Variants in AUTS2 observed in about 807,000 individuals in gnomAD.
AUTS2 encodes autism susceptibility gene 2 protein.
A neutral mutation model predicts 112.4 loss-of-function variants in AUTS2; 17 were observed. The ratio of observed to expected loss-of-function variants is 0.15; its 90% CI spans 0.10 to 0.23. The LOEUF (loss-of-function observed/expected upper bound fraction) is 0.23, where lower values mean the gene tolerates loss of function less well. Among genes scored for constraint, AUTS2 ranks in the 10% least tolerant of loss-of-function variants. The pLI is 1.00. For synonymous variants in AUTS2, 751 were observed against 702.7 expected, an observed-to-expected ratio of 1.07 and a Z score of -1.09; for missense variants, 1,510 against 1,701.6, an observed-to-expected ratio of 0.89 and a Z score of 1.98.
chr7:70,003,260 T>TTATATATG (rs1354926311), intron 2 of AUTS2, among the ~76,000 whole-genome samples: 10 of 123,632 alleles, frequency 8.1e-5, no homozygotes, highest in African/African-American at 2.4e-4. Context: ...TATGAATATA[T>TTATATATG]AATATATTAT....
chr7:70,425,985 C>G (rs1795421384), intron 4 of AUTS2, among the ~76,000 whole-genome samples: 1 of 152,150 alleles, frequency 6.6e-6, no homozygotes, highest in South Asian at 2.1e-4. Context: ...CTTAGCAACA[C>G]TATGAGGTAC....
intron 5 of AUTS2, among the ~76,000 whole-genome samples, chr7:70,579,085 C>T (rs1420036848): frequency 2.7e-5 from 4 of 150,792 alleles, no homozygotes; most frequent in South Asian, 2.1e-4. Context: ...CATGCCACCA[C>T]ACCTGGCTAA....
At chr7:70,590,352 C>T (rs563363183) in intron 5 of AUTS2, among the ~76,000 whole-genome samples, 3 of 152,180 alleles carry the variant, frequency 2.0e-5, no homozygotes, top group South Asian at 4.2e-4. Context: ...GGGCTGGTGA[C>T]GGAGTGGGCC....
rs879398545 is a variant in AUTS2, at chr7:70,399,343, A to G, written c.661-36409A>G. Among the ~76,000 whole-genome samples the G allele has an allele frequency of 1.5e-4, 23 of 151,980 alleles. No individual in the cohort carries two copies. The East Asian group carries it at 1.7e-3, about 11-fold the overall frequency. ...GGTGAATTATATTCATAGATTTCCA[A>G]TATTACGCCATTCTATGTACATTGT... On this transcript the variant is annotated intron_variant, in intron 4 of 18. Transcript: ENST00000342771.
chr7:70,425,907 C>T (rs1425516591), intron 4 of AUTS2, among the ~76,000 whole-genome samples: 1 of 152,084 alleles, frequency 6.6e-6, no homozygotes, highest in African/African-American at 2.4e-5. Flanking sequence ...AGGCAGTGTT[C>T]TAGACATTTT....
chr7:70,501,905 A>T (rs1200143776), intron 5 of AUTS2, among the ~76,000 whole-genome samples: 1 of 152,106 alleles, frequency 6.6e-6, no homozygotes, highest in Non-Finnish European at 1.5e-5. Flanking sequence ...AATCCCATTA[A>T]TGTCTTAGAG....
At chr7:69,705,337 G>A (rs553252701) in intron 1 of AUTS2, among the ~76,000 whole-genome samples, 1 of 152,300 alleles carries the variant, frequency 6.6e-6, no homozygotes, top group African/African-American at 2.4e-5. Flanking sequence ...CTAGTACTAA[G>A]AGCTGATCCC....
chr7:70,174,295 T>TGA (rs1218613343), intron 4 of AUTS2, among the ~76,000 whole-genome samples: 1 of 151,860 alleles, frequency 6.6e-6, no homozygotes, highest in Non-Finnish European at 1.5e-5. Flanking sequence ...CTGTGGAGAG[T>TGA]GAGAGAGGCA....
At chr7:70,777,353 G>T in intron 14 of AUTS2, 179 bp downstream of exon 14, 3 of 630,774 alleles carry the variant, frequency 4.8e-6, no homozygotes, top group Non-Finnish European at 8.4e-6. Context: ...CCTAGAGTCA[G>T]GGTCTCACTC....
At chr7:70,422,365 A>T (rs1401255234) in intron 4 of AUTS2, among the ~76,000 whole-genome samples, 1 of 152,252 alleles carries the variant, frequency 6.6e-6, no homozygotes, top group Non-Finnish European at 1.5e-5. Context: ...ATCAAATGTG[A>T]AAAGAAATAC....
At chr7:70,730,229 G>GT (rs776855568) in intron 6 of AUTS2, among the ~76,000 whole-genome samples, 3 of 130,970 alleles carry the variant, frequency 2.3e-5, no homozygotes, top group Admixed American at 8.4e-5. Flanking sequence ...TTTTTTTTTT[G>GT]TTTTTTGTTT....
intron 5 of AUTS2, among the ~76,000 whole-genome samples, chr7:70,577,305 A>T (rs1177506420): frequency 6.6e-6 from 1 of 152,164 alleles, no homozygotes; most frequent in Non-Finnish European, 1.5e-5. Flanking sequence ...ATCTGTTATA[A>T]ATAAGTGGTT....
rs1298363918 is a variant in AUTS2 at position 69,922,468 on chromosome 7, CT to C, written c.522+22974del. ...CTTAAGCTTCGCTGCTTTCTTAGCACTTTTACTGTATAGGCCCTGGTATGTG... is the reference window on the plus strand; with the variant it reads ...CTTAAGCTTCGCTGCTTTCTTAGCACTTTACTGTATAGGCCCTGGTATGTG... On this transcript the variant is annotated intron_variant, in intron 2 of 18. Coordinates refer to ENST00000342771, the MANE Select transcript of AUTS2 (RefSeq NM_015570.4). Among the ~76,000 whole-genome samples, 3 of 152,332 alleles carry C rather than the reference CT, an allele frequency of 2.0e-5. No homozygotes were observed. In the East Asian group the frequency reaches 5.8e-4, roughly 29 times the overall value.
intron 1 of AUTS2, among the ~76,000 whole-genome samples, chr7:69,645,509 C>G (rs1794985096): frequency 6.6e-6 from 1 of 152,100 alleles, no homozygotes; most frequent in Admixed American, 6.5e-5. Context: ...TAAATCTTAC[C>G]TTTTGTACAA....
intron 5 of AUTS2, among the ~76,000 whole-genome samples, chr7:70,567,619 CTT>C (rs1392416176): frequency 1.3e-5 from 2 of 152,188 alleles, no homozygotes; most frequent in African/African-American, 4.8e-5. Flanking sequence ...ACACATGTGA[CTT>C]TTTAATTGGG....
chr7:70,121,717 A>C (rs924449088), intron 3 of AUTS2, among the ~76,000 whole-genome samples: 8 of 152,326 alleles, frequency 5.3e-5, no homozygotes, highest in South Asian at 2.1e-4. Context: ...TGGAATATTC[A>C]TACATTACTG....
At chr7:69,723,768 T>C (rs989234727) in intron 1 of AUTS2, among the ~76,000 whole-genome samples, 4 of 152,204 alleles carry the variant, frequency 2.6e-5, no homozygotes, top group African/African-American at 9.6e-5. Flanking sequence ...AAATGATTCA[T>C]TGGGTGGACT....
chr7:70,748,106 G>C (rs561811111), intron 6 of AUTS2, among the ~76,000 whole-genome samples: 5 of 151,486 alleles, frequency 3.3e-5, no homozygotes, highest in African/African-American at 1.2e-4. Context: ...AGGATTACAG[G>C]CATGAGCCAC....
intron 4 of AUTS2, among the ~76,000 whole-genome samples, chr7:70,228,114 T>G (rs895880605): frequency 1.3e-5 from 2 of 151,978 alleles, no homozygotes; most frequent in Non-Finnish European, 2.9e-5. Context: ...TATATCCATG[T>G]ATATCATTGT....
Sources: gnomAD v4.1 joint callset for allele counts (sites outside exome capture counted in the v4.1 genomes callset) on GRCh38, gnomAD v4.1.1 for gene constraint, MANE v1.5 for transcripts, NCBI Gene and HGNC (gene_info 2026-07-23, HGNC 2026-07-21) for gene names.